Variants in SORCS2 observed in about 807,000 individuals in gnomAD.
SORCS2 encodes VPS10 domain-containing receptor SorCS2.
Under a neutral mutation model 141.6 loss-of-function variants are expected in SORCS2, and 100 were observed. That is an observed-to-expected ratio of 0.71 (90% CI 0.60 to 0.83). SORCS2 has a LOEUF of 0.83. SORCS2 is among the 40% of genes least tolerant of loss of function. The pLI is 0.00. For synonymous variants in SORCS2, 789 were observed against 676.9 expected, an observed-to-expected ratio of 1.17 and a Z score of -2.57; for missense variants, 1,646 against 1,560.2, an observed-to-expected ratio of 1.05 and a Z score of -0.93.
At chr4:7,333,989 C>CT (rs1719822975) in intron 1 of SORCS2, among the ~76,000 whole-genome samples, 1 of 152,086 alleles carries the variant, frequency 6.6e-6, no homozygotes, top group Non-Finnish European at 1.5e-5. Context: ...CTGGGGACAG[C>CT]GTCCCCTGCT....
intron 3 of SORCS2, among the ~76,000 whole-genome samples, chr4:7,560,788 T>G (rs1456835408): frequency 6.6e-6 from 1 of 152,154 alleles, no homozygotes; most frequent in Non-Finnish European, 1.5e-5. Flanking sequence ...TGGATATTGA[T>G]TCTTGTAAGG....
intron 1 of SORCS2, among the ~76,000 whole-genome samples, chr4:7,205,862 G>A (rs1727702867): frequency 6.6e-6 from 1 of 152,136 alleles, no homozygotes; most frequent in African/African-American, 2.4e-5. Flanking sequence ...TGGGCAACAT[G>A]GTGAAACCCC....
chr4:7,394,940 C>T (rs1157994581), intron 1 of SORCS2, among the ~76,000 whole-genome samples: 1 of 143,650 alleles, frequency 7.0e-6, no homozygotes, highest in East Asian at 1.9e-4. Flanking sequence ...AAAATCCCCT[C>T]TGGGAACAGC....
At chr4:7,426,442 G>A (rs956766448) in intron 2 of SORCS2, among the ~76,000 whole-genome samples, 1 of 152,218 alleles carries the variant, frequency 6.6e-6, no homozygotes, top group Admixed American at 6.5e-5. Context: ...GCAAAGTGTT[G>A]TAGGCCAGGT....
intron 1 of SORCS2, among the ~76,000 whole-genome samples, chr4:7,222,792 T>C (rs5012509): frequency 0.83 from 126,390 of 151,930 alleles, 52,774 homozygotes; most frequent in African/African-American, 0.91. Context: ...GGGGTGTGGG[T>C]GCTGGGCACG....
intron 3 of SORCS2, among the ~76,000 whole-genome samples, chr4:7,543,824 C>T (rs1055564471): frequency 1.9e-5 from 2 of 105,764 alleles, no homozygotes; most frequent in African/African-American, 6.6e-5. Flanking sequence ...ATCCATCTAC[C>T]CATCTGTCCA....
At chr4:7,566,152 A>G (rs1489938978) in intron 3 of SORCS2, among the ~76,000 whole-genome samples, 2 of 139,138 alleles carry the variant, frequency 1.4e-5, no homozygotes, top group Non-Finnish European at 1.6e-5. Flanking sequence ...TAGAGATGAT[A>G]ATGTGATATT....
chr4:7,376,899 AC>A, intron 1 of SORCS2, among the ~76,000 whole-genome samples: 1 of 136,254 alleles, frequency 7.3e-6, no homozygotes, highest in Admixed American at 7.3e-5. Flanking sequence ...CCTGACCCCC[AC>A]CCCCACCCAG....
rs1411719395 is a variant in SORCS2, at chr4:7,715,224, C to T, written c.2165C>T (p.Thr722Ile). The change falls in exon 17 of 27, where the codon ACC (threonine) becomes ATC (isoleucine). Residue 722 changes from threonine to isoleucine, a missense_variant. By Grantham distance (89) the Thr-to-Ile change is moderately conservative (BLOSUM62 -1). Transcript: ENST00000507866. ...CGCTCCTCCTCCTCAGAGTCCAGCACCAACAAGTGCTCTGCCAACTTCTGG... is the reference window on the plus strand; with the variant it reads ...CGCTCCTCCTCCTCAGAGTCCAGCATCAACAAGTGCTCTGCCAACTTCTGG... ...FERSSSSESS[T>I]NKCSANFWFN... The T allele has an allele frequency of 3.1e-6, 5 of 1,614,024 alleles. No individual in the cohort carries two copies. The highest frequency in any genetic ancestry group is 4.2e-6 in the Non-Finnish European group (5 of 1,179,882).
Position 7,664,153 on chromosome 4 carries a change from T to G in SORCS2, c.953-200T>G, listed in dbSNP as rs77981710. Among the ~76,000 whole-genome samples, 405 of 152,136 alleles carry G rather than the reference T, an allele frequency of 2.7e-3. 2 individuals carry two copies. The highest frequency in any genetic ancestry group is 9.2e-3 in the African/African-American group (383 of 41,500). On this transcript the variant is annotated intron_variant, in intron 6 of 26. Transcript: ENST00000507866. This position sits in a 1 kb window ranked among gnomAD's most constrained non-coding sequence, Gnocchi z 4.7. ...ACACCTTCCTGAGGGTTGAAGGAGCTCGTGTCAGAGTGCAGGTGGCCCACA... is the reference window on the plus strand; with the variant it reads ...ACACCTTCCTGAGGGTTGAAGGAGCGCGTGTCAGAGTGCAGGTGGCCCACA...
chr4:7,433,363 T>C, intron 2 of SORCS2: 2 of 1,451,408 alleles, frequency 1.4e-6, no homozygotes, highest in Non-Finnish European at 1.8e-6. Flanking sequence ...TACATGCTTC[T>C]GGCAGTGTTG....
At chr4:7,611,971 C>T (rs1464431462) in intron 3 of SORCS2, among the ~76,000 whole-genome samples, 1 of 152,250 alleles carries the variant, frequency 6.6e-6, no homozygotes, top group Non-Finnish European at 1.5e-5. Flanking sequence ...CGGCCCCATG[C>T]CCAGCTCTGG....
At chr4:7,284,938 C>A (rs914935116) in intron 1 of SORCS2, among the ~76,000 whole-genome samples, 3 of 152,066 alleles carry the variant, frequency 2.0e-5, no homozygotes, top group Non-Finnish European at 4.4e-5. Flanking sequence ...GCCTTTGTCT[C>A]CATATGGGCT....
intron 11 of SORCS2, among the ~76,000 whole-genome samples, chr4:7,690,642 T>C (rs1457853798): frequency 6.6e-6 from 1 of 151,642 alleles, no homozygotes; most frequent in African/African-American, 2.4e-5. Flanking sequence ...GATAGACGGA[T>C]GATGGGTGAT....
At chr4:7,489,242 T>C (rs1288006231) in intron 2 of SORCS2, among the ~76,000 whole-genome samples, 1 of 152,214 alleles carries the variant, frequency 6.6e-6, no homozygotes, top group Non-Finnish European at 1.5e-5. Context: ...ACTGGTTGCC[T>C]AGAGTCATGT....
chr4:7,302,226 G>A (rs573237771), intron 1 of SORCS2, among the ~76,000 whole-genome samples: 5 of 152,358 alleles, frequency 3.3e-5, no homozygotes, highest in East Asian at 3.9e-4. Flanking sequence ...TGTGGTGGGC[G>A]TTTGCAGGGA....
intron 17 of SORCS2, among the ~76,000 whole-genome samples, chr4:7,717,017 T>C (rs753489938): frequency 1.4e-4 from 22 of 152,354 alleles, no homozygotes; most frequent in South Asian, 4.1e-4. Context: ...GGGATCAGCC[T>C]TGGGGAGACA....
At chr4:7,571,128 G>A (rs1383130318) in intron 3 of SORCS2, among the ~76,000 whole-genome samples, 2 of 152,242 alleles carry the variant, frequency 1.3e-5, no homozygotes, top group Non-Finnish European at 2.9e-5. Context: ...CTCTCATGCT[G>A]GTGTTTGTTC....
At chr4:7,571,816 T>C (rs1273812489) in intron 3 of SORCS2, among the ~76,000 whole-genome samples, 1 of 152,178 alleles carries the variant, frequency 6.6e-6, no homozygotes, top group African/African-American at 2.4e-5. Flanking sequence ...TCATCAGCGA[T>C]GAAAAAGGAC....
Sources: gnomAD v4.1 joint callset for allele counts (sites outside exome capture counted in the v4.1 genomes callset) on GRCh38, gnomAD v4.1.1 for gene constraint, Gnocchi (gnomAD v3.1) non-coding constraint, MANE v1.5 for transcripts, NCBI Gene and HGNC (gene_info 2026-07-23, HGNC 2026-07-21) for gene names.